The following CCND3 variants were observed in gnomAD, a reference collection of about 807,000 sequenced individuals.
CCND3 encodes the protein cyclin D3, also known as G1/S-specific cyclin-D3.
In CCND3, 9 loss-of-function variants were observed where a neutral mutation model predicts 28.7. The observed-to-expected ratio is 0.31, with a 90% CI of 0.19 to 0.55. CCND3 has a LOEUF of 0.55. CCND3 is among the 20% of genes least tolerant of loss of function. The pLI is 0.93. For synonymous variants in CCND3, 164 were observed against 163.9 expected, an observed-to-expected ratio of 1.00 and a Z score of 0.00; for missense variants, 315 against 385.8, an observed-to-expected ratio of 0.82 and a Z score of 1.54.
At chr6:42,035,325 C>T (rs1187180337) in intron 1 of CCND3, among the ~76,000 whole-genome samples, 1 of 152,180 alleles carries the variant, frequency 6.6e-6, no homozygotes, top group Non-Finnish European at 1.5e-5. Context: ...CAGCTCACCC[C>T]CTTGTTTCCA....
intron 3 of CCND3, chr6:41,937,006 GC>G: frequency 1.6e-6 from 1 of 606,898 alleles, no homozygotes; most frequent in Non-Finnish European, 2.9e-6. Context: ...GAGACCTTGG[GC>G]AAGTCACTTC....
chr6:41,959,112 C>T (rs561401383), intron 1 of CCND3, among the ~76,000 whole-genome samples: 3 of 151,906 alleles, frequency 2.0e-5, no homozygotes, highest in East Asian at 2.0e-4. Flanking sequence ...GTCAGGAGTT[C>T]GAGACCAGCC....
intron 1 of CCND3, among the ~76,000 whole-genome samples, chr6:41,966,472 G>C (rs1445926584): frequency 6.6e-6 from 1 of 152,056 alleles, no homozygotes; most frequent in Non-Finnish European, 1.5e-5. Flanking sequence ...CTGAAAATCA[G>C]AATCTTAGGC....
chr6:41,966,892 G>A (rs1159283568), intron 1 of CCND3, among the ~76,000 whole-genome samples: 3 of 152,178 alleles, frequency 2.0e-5, no homozygotes, highest in Non-Finnish European at 4.4e-5. Flanking sequence ...ATTCTGGGGT[G>A]AGACTAGAAC....
chr6:41,992,141 T>C (rs1337000853), intron 1 of CCND3, among the ~76,000 whole-genome samples: 4 of 152,094 alleles, frequency 2.6e-5, no homozygotes, highest in Non-Finnish European at 5.9e-5. Flanking sequence ...TATGGTAGTT[T>C]GATTTGTAGT....
At chr6:42,010,747 T>C (rs1763322017) in intron 1 of CCND3, 1 of 152,114 alleles carries the variant, frequency 6.6e-6, no homozygotes, top group Non-Finnish European at 1.5e-5. Flanking sequence ...GTCAGATAGG[T>C]TGGGACCTGC....
At chr6:41,963,489 C>T (rs1761775595) in intron 1 of CCND3, among the ~76,000 whole-genome samples, 1 of 152,240 alleles carries the variant, frequency 6.6e-6, no homozygotes, top group African/African-American at 2.4e-5. Flanking sequence ...CACACAATCT[C>T]ACTGTCTCTA....
chr6:41,996,803 T>C (rs918665007), intron 1 of CCND3, among the ~76,000 whole-genome samples: 2 of 152,038 alleles, frequency 1.3e-5, no homozygotes, highest in African/African-American at 4.8e-5. Flanking sequence ...TAGCTGGGAC[T>C]GCAGGTGTGC....
intron 1 of CCND3, among the ~76,000 whole-genome samples, chr6:42,044,947 C>T (rs1267458630): frequency 7.1e-6 from 1 of 141,464 alleles, no homozygotes; most frequent in South Asian, 2.3e-4. Flanking sequence ...TGCGACCACG[C>T]CCGGCTAACG....
chr6:42,020,653 C>T (rs747224153), intron 1 of CCND3, among the ~76,000 whole-genome samples: 25 of 152,236 alleles, frequency 1.6e-4, no homozygotes, highest in Non-Finnish European at 3.4e-4. Context: ...TCCCCTCACC[C>T]GTAGCCTCCC....
At chr6:42,031,892 C>T (rs533557369) in intron 1 of CCND3, among the ~76,000 whole-genome samples, 4 of 150,398 alleles carry the variant, frequency 2.7e-5, no homozygotes, top group African/African-American at 4.9e-5. Flanking sequence ...TGGGTTCAAG[C>T]GATTCTCCTG....
In CCND3 at chr6:42,013,410, T is replaced by C. The variant is rs542004380; in HGVS notation, c.-46+35091A>G. On this transcript the variant is annotated intron_variant, in intron 1 of 4. Transcript: ENST00000372988. ...TTTGCTTATTGTCTGTCTCTAGATA[T>C]TGCTAGAATGTAAGCTATAGGAGGG... is the stretch of plus-strand genomic sequence containing the variant. 4.6e-5 allele frequency among the ~76,000 whole-genome samples: 7 copies of C among 152,350 alleles called. No homozygotes were observed. In the South Asian group the frequency reaches 1.5e-3, roughly 32 times the overall value.
chr6:42,024,780 C>T (rs4711702), intron 1 of CCND3, among the ~76,000 whole-genome samples: 118,677 of 152,050 alleles, frequency 0.78, 46,457 homozygotes, highest in East Asian at 0.93. Flanking sequence ...ATTAAGGGGC[C>T]GGGCGCAGTG....
intron 1 of CCND3, among the ~76,000 whole-genome samples, chr6:42,013,988 C>T (rs963510400): frequency 2.6e-5 from 4 of 151,732 alleles, no homozygotes; most frequent in African/African-American, 7.3e-5. Flanking sequence ...AGGAGAATGG[C>T]GTGAACCCGG....
At position 41,996,581 on chromosome 6, in the gene CCND3, T is replaced by C. The variant is rs914289205; in HGVS notation, c.-46+51920A>G. Among the ~76,000 whole-genome samples, 13 of 152,244 alleles carry C rather than the reference T, an allele frequency of 8.5e-5. 1 individual carries two copies. The highest frequency in any genetic ancestry group is 8.5e-4 in the Admixed American group (13 of 15,254). On this transcript the variant is annotated intron_variant, in intron 1 of 4. Coordinates refer to the CCND3 transcript ENST00000372988. Reference sequence around the variant, plus strand: ...TTTTATCTACAGTCTCACTTATGTCTCTTCTACCATTTATCATAGTTTATA... The same window carrying C: ...TTTTATCTACAGTCTCACTTATGTCCCTTCTACCATTTATCATAGTTTATA...
chr6:41,946,171 G>C (rs191256531), upstream of CCND3, among the ~76,000 whole-genome samples: 48 of 152,276 alleles, frequency 3.2e-4, no homozygotes, highest in African/African-American at 1.1e-3. Flanking sequence ...TCTAAAAATG[G>C]TGATAACAGT....
chr6:41,945,048 A>G (rs1366631780), upstream of CCND3, among the ~76,000 whole-genome samples: 1 of 152,194 alleles, frequency 6.6e-6, no homozygotes, highest in East Asian at 1.9e-4. Flanking sequence ...ACTAAAGACA[A>G]AGCAATGACC....
intron 1 of CCND3, among the ~76,000 whole-genome samples, chr6:42,034,834 A>T (rs1276449271): frequency 6.6e-6 from 1 of 152,036 alleles, no homozygotes; most frequent in Non-Finnish European, 1.5e-5. Flanking sequence ...GCCCTAACTG[A>T]ACTTAAGTTA....
intron 1 of CCND3, among the ~76,000 whole-genome samples, chr6:42,042,067 A>G (rs1167157148): frequency 1.3e-5 from 2 of 152,200 alleles, no homozygotes; most frequent in Admixed American, 6.5e-5. Context: ...CCCCAGCTTC[A>G]AATATTCTGT....
Sources: gnomAD v4.1 joint callset for allele counts (sites outside exome capture counted in the v4.1 genomes callset) on GRCh38, gnomAD v4.1.1 for gene constraint, MANE v1.5 for transcripts, NCBI Gene and HGNC (gene_info 2026-07-23, HGNC 2026-07-21) for gene names.